The following VPS50 variants were observed in gnomAD, a reference collection of about 807,000 sequenced individuals.
VPS50 encodes the protein syndetin.
In VPS50, 70 loss-of-function variants were observed where a neutral mutation model predicts 139.7. The ratio of observed to expected loss-of-function variants is 0.50; its 90% confidence interval spans 0.41 to 0.61. The LOEUF (loss-of-function observed/expected upper bound fraction) is 0.61. VPS50 is among the 20% of genes least tolerant of loss of function. The pLI is 0.00. For missense variants in VPS50, 921 were observed against 1,133.7 expected (o/e 0.81, Z 2.69); for synonymous variants, 365 against 376.7 (o/e 0.97, Z 0.36).
At chr7:93,344,524 A>G (rs776377150) in intron 23 of VPS50, among the ~76,000 whole-genome samples, 1 of 152,230 alleles carries the variant, frequency 6.6e-6, no homozygotes, top group Non-Finnish European at 1.5e-5. Context: ...TCAACAGAAC[A>G]TACATTTTTT....
chr7:93,352,935 A>G (rs982233990), intron 25 of VPS50, among the ~76,000 whole-genome samples: 1 of 152,190 alleles, frequency 6.6e-6, no homozygotes, highest in Non-Finnish European at 1.5e-5. Flanking sequence ...TCGAAAATCC[A>G]GTATTTCAAA....
chr7:93,279,497 A>G (rs1371424887), intron 12 of VPS50, among the ~76,000 whole-genome samples: 3 of 152,244 alleles, frequency 2.0e-5, no homozygotes, highest in Non-Finnish European at 2.9e-5. Context: ...TAATTCATGA[A>G]GGAACTTTGT....
chr7:93,323,586 A>AT, intron 20 of VPS50, 25 bp from the exon 21 acceptor site: 10 of 1,086,462 alleles, frequency 9.2e-6, no homozygotes, highest in Non-Finnish European at 1.2e-5. Flanking sequence ...GTTCTGCTTA[A>AT]TTTTTTATTC....
At chr7:93,259,431 G>T in intron 8 of VPS50, 119 bp from the exon 9 acceptor site, 1 of 546,760 alleles carries the variant, frequency 1.8e-6, no homozygotes, top group Non-Finnish European at 3.3e-6. Context: ...ATTCTAAGAG[G>T]AATTAAAGTT....
In VPS50 at chr7:93,259,531, CTG is replaced by C; in HGVS notation, c.577-17_577-16del. ...AAAAATGTTTCTATTCCAATGACTCCTGTTGTTGTTACCTTAAGGAGGAAGAT... is the reference window on the plus strand; with the variant it reads ...AAAAATGTTTCTATTCCAATGACTCCTTGTTGTTACCTTAAGGAGGAAGAT... On this transcript the variant is annotated splice_polypyrimidine_tract_variant and intron_variant, in intron 8 of 27. Transcript: ENST00000305866. 13 of 1,345,206 alleles carry C rather than the reference CTG, an allele frequency of 9.7e-6. No homozygotes were observed. Among genetic ancestry groups the C allele is most frequent in the Non-Finnish European group, 1.4e-5 (13 of 940,524 alleles). 83.3% of individuals were successfully genotyped at this position (1,345,206 alleles called of 1,614,324 possible). A position where few individuals can be genotyped will look rare whatever the true frequency, so the allele number is the denominator to read the frequency against.
intron 10 of VPS50, 37 bp downstream of exon 10, chr7:93,271,299 C>A (rs1796002837): frequency 6.7e-7 from 1 of 1,489,782 alleles, no homozygotes; most frequent in Admixed American, 2.7e-5. Context: ...ATGAGTTTTT[C>A]TTTTCAGAAG....
At chr7:93,243,026 T>C (rs536434205) in intron 2 of VPS50, among the ~76,000 whole-genome samples, 5 of 151,942 alleles carry the variant, frequency 3.3e-5, no homozygotes, top group Non-Finnish European at 5.9e-5. Flanking sequence ...ACTATATAAA[T>C]TCAAAGTGGG....
At chr7:93,275,672 G>A (rs1796133393) in intron 11 of VPS50, among the ~76,000 whole-genome samples, 1 of 152,132 alleles carries the variant, frequency 6.6e-6, no homozygotes, top group African/African-American at 2.4e-5. Context: ...AGGTATGCCT[G>A]TAAATGAATA....
chr7:93,343,717 T>G (rs1798298256), intron 23 of VPS50, among the ~76,000 whole-genome samples: 1 of 152,130 alleles, frequency 6.6e-6, no homozygotes, highest in African/African-American at 2.4e-5. Flanking sequence ...GAATTTCATA[T>G]CCAGCCAAAC....
chr7:93,353,529 C>T, intron 25 of VPS50, 111 bp from the exon 26 acceptor site: 3 of 1,196,944 alleles, frequency 2.5e-6, no homozygotes, highest in Admixed American at 2.3e-5. Flanking sequence ...TTTGATTTTA[C>T]TTGGTTTGAT....
rs1194735487 is a variant in VPS50, at chr7:93,232,520, G to T, written c.33+20G>T. Reference sequence around the variant, plus strand: ...CGACAGGTAAGTCGCGGCGGCTGAAGCAAAGGCTTCCTTCATCTCGGAAGT... The same window carrying T: ...CGACAGGTAAGTCGCGGCGGCTGAATCAAAGGCTTCCTTCATCTCGGAAGT... On this transcript the variant is annotated intron_variant, in intron 1 of 27. Coordinates refer to ENST00000305866, the MANE Select transcript of VPS50 (RefSeq NM_017667.4). The T allele has an allele frequency of 6.2e-7, 1 of 1,608,736 alleles. No individual in the cohort carries two copies. The highest frequency in any genetic ancestry group is 8.5e-7 in the Non-Finnish European group (1 of 1,175,386).
At chr7:93,317,709 T>C (rs1009538011) in intron 20 of VPS50, among the ~76,000 whole-genome samples, 3 of 152,244 alleles carry the variant, frequency 2.0e-5, no homozygotes, top group Admixed American at 6.5e-5. Flanking sequence ...TTGAGAACCA[T>C]TGGTTCCTTT....
At chr7:93,276,101 AT>A in intron 11 of VPS50, 63 bp from the exon 12 acceptor site, 1 of 1,421,930 alleles carries the variant, frequency 7.0e-7, no homozygotes, top group Non-Finnish European at 9.5e-7. Flanking sequence ...GGTTTTTTCA[AT>A]TTGTTGAAAT....
chr7:93,290,075 C>T (rs978188113), intron 12 of VPS50, among the ~76,000 whole-genome samples: 1 of 151,876 alleles, frequency 6.6e-6, no homozygotes, highest in Non-Finnish European at 1.5e-5. Flanking sequence ...AGTGTCTCTT[C>T]TAAATGTTTA....
intron 2 of VPS50, among the ~76,000 whole-genome samples, chr7:93,248,098 AATT>A (rs1425220457): frequency 2.0e-5 from 3 of 151,934 alleles, no homozygotes; most frequent in Non-Finnish European, 4.4e-5. Context: ...TGTATTTATT[AATT>A]ATTATGTGAC....
intron 24 of VPS50, among the ~76,000 whole-genome samples, chr7:93,349,225 C>T (rs1210743390): frequency 1.3e-5 from 2 of 152,076 alleles, no homozygotes; most frequent in African/African-American, 4.8e-5. Flanking sequence ...AAGGGAATGG[C>T]ATGTCTGAAG....
intron 4 of VPS50, among the ~76,000 whole-genome samples, chr7:93,256,041 C>T (rs904476607): frequency 6.6e-6 from 1 of 152,182 alleles, no homozygotes; most frequent in Non-Finnish European, 1.5e-5. Flanking sequence ...TTCAGCTTTT[C>T]AGAAGTGGAG....
chr7:93,303,683 C>A, intron 17 of VPS50, 133 bp downstream of exon 17: 1 of 441,892 alleles, frequency 2.3e-6, no homozygotes, highest in Non-Finnish European at 4.0e-6. Flanking sequence ...ATCTTCCTTC[C>A]TTGAAAGTCA....
At position 93,358,599 on chromosome 7, in the gene VPS50, T is replaced by C. The variant is rs1261693663; in HGVS notation, c.*163T>C. 1 of 612,460 alleles carries C rather than the reference T, an allele frequency of 1.6e-6. No individual in the cohort carries two copies. Among genetic ancestry groups the C allele is most frequent in the African/African-American group, 1.9e-5 (1 of 53,904 alleles). The allele number at this position is 612,460 out of a possible 1,614,324, so 37.9% of individuals were successfully genotyped here. ...TATTGAAATGTGTGTGGTGTTCTCATGACTTTTATATGCTGTGGTCTCTTC... is the reference window on the plus strand; with the variant it reads ...TATTGAAATGTGTGTGGTGTTCTCACGACTTTTATATGCTGTGGTCTCTTC... On this transcript the variant is annotated 3_prime_UTR_variant, in exon 28 of 28. Coordinates refer to ENST00000305866, the MANE Select transcript of VPS50 (RefSeq NM_017667.4).
Sources: gnomAD v4.1 joint callset for allele counts (sites outside exome capture counted in the v4.1 genomes callset) on GRCh38, gnomAD v4.1.1 for gene constraint, MANE v1.5 for transcripts, NCBI Gene and HGNC (gene_info 2026-07-23, HGNC 2026-07-21) for gene names.